The following MAD1L1 variants were observed in gnomAD, a reference collection of about 807,000 sequenced individuals.
MAD1L1 encodes mitotic arrest deficient 1 like 1, also known as mitotic spindle assembly checkpoint protein MAD1.
MAD1L1 carries 95 observed loss-of-function variants against 96.9 expected under a neutral mutation model. The ratio of observed to expected loss-of-function variants is 0.98; its 90% CI spans 0.83 to 1.16. MAD1L1 has a LOEUF of 1.16. MAD1L1 is among the 50% of genes most tolerant of loss of function. The pLI is 0.00. For synonymous variants in MAD1L1, 473 were observed against 396.6 expected, an observed-to-expected ratio of 1.19 and a Z score of -2.29; for missense variants, 1,007 against 954.4, an observed-to-expected ratio of 1.06 and a Z score of -0.73.
intron 12 of MAD1L1, among the ~76,000 whole-genome samples, chr7:2,054,317 G>A (rs963532663): frequency 2.6e-5 from 4 of 152,248 alleles, no homozygotes; most frequent in African/African-American, 9.6e-5. Flanking sequence ...TCGGGCGCAC[G>A]TGGAGGGCTC....
chr7:1,867,539 G>A (rs1784835471), intron 18 of MAD1L1, among the ~76,000 whole-genome samples: 1 of 152,268 alleles, frequency 6.6e-6, no homozygotes, highest in Non-Finnish European at 1.5e-5. Flanking sequence ...CAGGTGTGCA[G>A]TGAGTAGGAG....
intron 15 of MAD1L1, among the ~76,000 whole-genome samples, chr7:1,967,571 C>CA (rs1213078303): frequency 1.3e-5 from 2 of 152,204 alleles, no homozygotes; most frequent in East Asian, 3.8e-4. Context: ...CCAGGAGCCA[C>CA]AGGCATACCC....
intron 6 of MAD1L1, 47 bp downstream of exon 6, chr7:2,219,285 C>A: frequency 6.6e-7 from 1 of 1,509,818 alleles, no homozygotes; most frequent in South Asian, 1.2e-5. Flanking sequence ...GGACGCATGC[C>A]CCCACACGTG....
intron 18 of MAD1L1, among the ~76,000 whole-genome samples, chr7:1,833,224 G>C (rs1782793674): frequency 6.6e-6 from 1 of 152,168 alleles, no homozygotes; most frequent in African/African-American, 2.4e-5. Flanking sequence ...TTGCTTTATT[G>C]TGATATTGGT....
intron 12 of MAD1L1, 45 bp from the exon 13 acceptor site, chr7:2,014,687 G>A (rs1471198202): frequency 1.9e-6 from 3 of 1,562,552 alleles, no homozygotes; most frequent in Admixed American, 1.8e-5. Flanking sequence ...GACGGGGGAT[G>A]AGGTAATGAT....
intron 16 of MAD1L1, among the ~76,000 whole-genome samples, chr7:1,954,935 A>G (rs1451691751): frequency 6.6e-6 from 1 of 151,998 alleles, no homozygotes; most frequent in African/African-American, 2.4e-5. Context: ...GAGTGTGTGG[A>G]CAGCTCTGGG....
chr7:1,890,274 GGGA>G (rs1366019398), intron 18 of MAD1L1, among the ~76,000 whole-genome samples: 1 of 152,206 alleles, frequency 6.6e-6, no homozygotes, highest in Admixed American at 6.5e-5. Context: ...GTGGCCTATG[GGGA>G]GGAGGTGTCT....
At position 2,166,169 on chromosome 7, in the gene MAD1L1, G is replaced by C. The variant is rs116109719; in HGVS notation, c.987-16931C>G. On this transcript the variant is annotated intron_variant, in intron 10 of 18. Coordinates refer to ENST00000265854, the MANE Select transcript of MAD1L1 (RefSeq NM_001013836.2). ...TCGCCTCCCAGGAGGGGATCCCGCC[G>C]CAGCCCTGGACCCAGGCCATGTTTT... 8.9e-3 allele frequency among the ~76,000 whole-genome samples: 1,360 copies of C among 152,250 alleles called. 21 individuals are homozygous for C. Among genetic ancestry groups the C allele is most frequent in the African/African-American group, 0.031 (1,272 of 41,528 alleles).
chr7:2,065,280 G>A (rs1174994341), intron 12 of MAD1L1, among the ~76,000 whole-genome samples: 1 of 152,166 alleles, frequency 6.6e-6, no homozygotes, highest in Non-Finnish European at 1.5e-5. Context: ...ACTGCACCCA[G>A]CGAATACAGA....
chr7:2,067,321 T>C (rs898798855), intron 12 of MAD1L1, among the ~76,000 whole-genome samples: 1 of 151,466 alleles, frequency 6.6e-6, no homozygotes, highest in Non-Finnish European at 1.5e-5. Context: ...AGCCCAAAGT[T>C]TAGCAGAAAG....
intron 12 of MAD1L1, among the ~76,000 whole-genome samples, chr7:2,021,660 G>C (rs926723360): frequency 6.6e-6 from 1 of 152,136 alleles, no homozygotes; most frequent in Non-Finnish European, 1.5e-5. Flanking sequence ...AGCTACTCGG[G>C]AGGCTGAGGC....
At chr7:1,989,551 G>A (rs1383716073) in intron 14 of MAD1L1, among the ~76,000 whole-genome samples, 2 of 152,244 alleles carry the variant, frequency 1.3e-5, no homozygotes, top group African/African-American at 2.4e-5. Context: ...CAGCATGTGC[G>A]CTGCCCAGAC....
At chr7:1,858,437 T>C (rs1019160657) in intron 18 of MAD1L1, among the ~76,000 whole-genome samples, 1 of 152,236 alleles carries the variant, frequency 6.6e-6, no homozygotes, top group African/African-American at 2.4e-5. Context: ...AGGCCTCCCT[T>C]CCACCCAGGG....
At chr7:1,976,428 C>G (rs895954565) in intron 15 of MAD1L1, among the ~76,000 whole-genome samples, 2 of 152,046 alleles carry the variant, frequency 1.3e-5, no homozygotes, top group African/African-American at 4.8e-5. Context: ...CTTAAGGCAG[C>G]ACGTCTGGAG....
intron 15 of MAD1L1, among the ~76,000 whole-genome samples, chr7:1,958,295 T>C (rs1779813057): frequency 1.3e-5 from 2 of 152,164 alleles, no homozygotes; most frequent in Non-Finnish European, 2.9e-5. Context: ...CAAACCTCCA[T>C]GGCCGCAACC....
chr7:1,948,725 G>C (rs911792989), intron 16 of MAD1L1, among the ~76,000 whole-genome samples: 2 of 152,234 alleles, frequency 1.3e-5, no homozygotes, highest in East Asian at 1.9e-4. Context: ...CGGCATGTGA[G>C]AGTCTCCACT....
intron 7 of MAD1L1, among the ~76,000 whole-genome samples, chr7:2,216,636 G>A (rs1199834709): frequency 1.3e-5 from 2 of 152,170 alleles, no homozygotes; most frequent in Non-Finnish European, 2.9e-5. Context: ...ATGTGTCCAG[G>A]CAGGTTCATC....
chr7:2,101,272 G>A lies in MAD1L1; in HGVS notation c.1074-31934C>T, dbSNP rs55998156. Among the ~76,000 whole-genome samples the A allele has an allele frequency of 6.3e-3, 698 of 110,524 alleles. 10 individuals are homozygous for A. Among genetic ancestry groups the A allele is most frequent in the South Asian group, 0.025 (75 of 3,054 alleles). The allele number at this position is 110,524 out of a possible 152,430, so 72.5% of individuals were successfully genotyped here. On this transcript the variant is annotated intron_variant, in intron 11 of 18. Coordinates refer to ENST00000265854, the MANE Select transcript of MAD1L1 (RefSeq NM_001013836.2). ...GCCACAGCCACTGTGCCTGGCGCGA[G>A]ACTGGGGCTCCACTCCTAAAGGGTC...
chr7:1,906,026 G>T (rs1237474250), intron 17 of MAD1L1, among the ~76,000 whole-genome samples: 1 of 144,324 alleles, frequency 6.9e-6, no homozygotes, highest in Admixed American at 7.2e-5. Flanking sequence ...CTCCACGCTG[G>T]GTGACACAGT....
Sources: gnomAD v4.1 joint callset for allele counts (sites outside exome capture counted in the v4.1 genomes callset) on GRCh38, gnomAD v4.1.1 for gene constraint, MANE v1.5 for transcripts, NCBI Gene and HGNC (gene_info 2026-07-23, HGNC 2026-07-21) for gene names.